The following ERC1 variants were observed in gnomAD, a reference collection of about 807,000 sequenced individuals.
ERC1 encodes the protein ELKS/RAB6-interacting/CAST family member 1.
In ERC1, 56 loss-of-function variants were observed where a neutral mutation model predicts 132.0. That is an observed-to-expected ratio of 0.42 (90% CI 0.34 to 0.53). ERC1 has a LOEUF of 0.53. Among genes scored for constraint, ERC1 ranks in the 20% least tolerant of loss-of-function variants. ERC1 has a pLI of 0.03. For synonymous variants in ERC1, 478 were observed against 476.1 expected (o/e 1.00, Z -0.05); for missense variants, 1,202 against 1,349.9 (o/e 0.89, Z 1.72).
chr12:1,071,474 A>G (rs1940343055), intron 2 of ERC1, among the ~76,000 whole-genome samples: 1 of 152,038 alleles, frequency 6.6e-6, no homozygotes, highest in East Asian at 1.9e-4. Context: ...TATTGTCCTT[A>G]GAAGAACGTT....
intron 5 of ERC1, among the ~76,000 whole-genome samples, chr12:1,111,204 A>C (rs1945823217): frequency 6.6e-6 from 1 of 152,118 alleles, no homozygotes; most frequent in Non-Finnish European, 1.5e-5. Flanking sequence ...GTTTATCATC[A>C]GTCACAATGT....
intron 15 of ERC1, among the ~76,000 whole-genome samples, chr12:1,339,272 T>C (rs7133789): frequency 4.0e-5 from 4 of 101,008 alleles, no homozygotes; most frequent in Non-Finnish European, 5.8e-5. Context: ...CCAGGGTGCC[T>C]GCCCCCATGT....
intron 1 of ERC1, among the ~76,000 whole-genome samples, chr12:1,009,274 A>C (rs1964268961): frequency 6.6e-6 from 1 of 151,342 alleles, no homozygotes; most frequent in African/African-American, 2.4e-5. Flanking sequence ...TCCCGGGTTC[A>C]CGCCATTCTC....
At chr12:1,046,451 T>G (rs1971095191) in intron 2 of ERC1, among the ~76,000 whole-genome samples, 1 of 152,208 alleles carries the variant, frequency 6.6e-6, no homozygotes, top group Admixed American at 6.5e-5. Context: ...TATATGAAAT[T>G]CAAAATTCAG....
At chr12:1,138,972 C>T (rs1385849795) in intron 7 of ERC1, among the ~76,000 whole-genome samples, 2 of 152,122 alleles carry the variant, frequency 1.3e-5, no homozygotes, top group Non-Finnish European at 2.9e-5. Context: ...TCCCACATTG[C>T]CGTGAGAGAG....
intron 12 of ERC1, chr12:1,204,215 G>GT (rs1555304509): frequency 0.021 from 6,031 of 292,078 alleles, no homozygotes; most frequent in East Asian, 0.029. Context: ...TTAAGAAATT[G>GT]TTTTTTTTTT....
chr12:1,389,214 A>C (rs532211477), intron 16 of ERC1, among the ~76,000 whole-genome samples: 1 of 152,208 alleles, frequency 6.6e-6, no homozygotes, highest in Non-Finnish European at 1.5e-5. Flanking sequence ...GCTTATTTTT[A>C]GTAGAGTTGA....
At chr12:1,141,540 A>G (rs984835813) in intron 7 of ERC1, 80 bp from the exon 8 acceptor site, 1 of 1,183,378 alleles carries the variant, frequency 8.5e-7, no homozygotes, top group Non-Finnish European at 1.2e-6. Context: ...CCTCTTTATA[A>G]CCTTTATAAC....
At chr12:1,145,248 C>G (rs912423465) in intron 8 of ERC1, among the ~76,000 whole-genome samples, 1 of 152,146 alleles carries the variant, frequency 6.6e-6, no homozygotes, top group African/African-American at 2.4e-5. Flanking sequence ...AACTCCTGAT[C>G]TCAGGTGATC....
In ERC1 at chr12:992,656, A is replaced by G. The variant is rs139734604; in HGVS notation, c.-157+1334A>G. On this transcript the variant is annotated intron_variant, in intron 1 of 18. Transcript: ENST00000360905. ...GAAATATTAGAGTAAGCAGTGTTCA[A>G]TGTTCTTCACATCACTCTTTCACAA... Among the ~76,000 whole-genome samples, 613 of 152,334 alleles carry G rather than the reference A, an allele frequency of 4.0e-3. 1 individual carries two copies. The highest frequency in any genetic ancestry group is 0.017 in the East Asian group (86 of 5,190).
intron 15 of ERC1, among the ~76,000 whole-genome samples, chr12:1,345,425 T>C (rs2084359812): frequency 6.6e-6 from 1 of 152,090 alleles, no homozygotes; most frequent in Admixed American, 6.6e-5. Context: ...TCTCGTGATC[T>C]GCCCGCCTCG....
At chr12:1,363,756 A>G (rs1380655801) in intron 15 of ERC1, among the ~76,000 whole-genome samples, 1 of 151,858 alleles carries the variant, frequency 6.6e-6, no homozygotes, top group East Asian at 1.9e-4. Context: ...AGGTTCCACC[A>G]TGTTGCGCAG....
intron 16 of ERC1, among the ~76,000 whole-genome samples, chr12:1,392,972 C>A (rs896821941): frequency 2.6e-5 from 4 of 151,968 alleles, no homozygotes; most frequent in Non-Finnish European, 5.9e-5. Context: ...CAGAGAAATC[C>A]TTTTATAATG....
intron 15 of ERC1, among the ~76,000 whole-genome samples, chr12:1,364,173 G>A (rs2086437217): frequency 3.3e-5 from 5 of 152,214 alleles, no homozygotes; most frequent in Admixed American, 3.3e-4. Flanking sequence ...TTGAATCCAA[G>A]AGTCAGACAG....
At chr12:1,126,879 T>G (rs1323332775) in intron 7 of ERC1, among the ~76,000 whole-genome samples, 1 of 151,148 alleles carries the variant, frequency 6.6e-6, no homozygotes, top group Admixed American at 6.6e-5. Context: ...TCCCAGCTAC[T>G]CAGGAGGCTG....
chr12:1,022,101 T>C (rs1385739200), intron 1 of ERC1, among the ~76,000 whole-genome samples: 1 of 152,228 alleles, frequency 6.6e-6, no homozygotes, highest in Admixed American at 6.5e-5. Flanking sequence ...TATTCTCCTA[T>C]AGATAGGATC....
At chr12:1,326,926 T>C (rs1676674723) in intron 15 of ERC1, among the ~76,000 whole-genome samples, 1 of 152,086 alleles carries the variant, frequency 6.6e-6, no homozygotes. Flanking sequence ...CTGTGGATAA[T>C]GTATAATAAG....
chr12:1,160,782 A>G (rs558494200), intron 8 of ERC1, among the ~76,000 whole-genome samples: 1 of 152,176 alleles, frequency 6.6e-6, no homozygotes, highest in African/African-American at 2.4e-5. Context: ...TTTTGTAGAG[A>G]CAAGGTCTCA....
intron 8 of ERC1, among the ~76,000 whole-genome samples, chr12:1,169,625 T>C (rs1440625347): frequency 1.3e-5 from 2 of 152,198 alleles, no homozygotes; most frequent in Non-Finnish European, 2.9e-5. Context: ...GGGTAGGATA[T>C]GAGTGCAAGT....
Sources: allele counts gnomAD v4.1 joint callset (sites outside exome capture counted in the v4.1 genomes callset), GRCh38; gene constraint gnomAD v4.1.1; transcripts MANE v1.5; gene names NCBI Gene and HGNC (gene_info 2026-07-23, HGNC 2026-07-21).